SRD5A2: variants seen among roughly 807,000 people sequenced by gnomAD.
The protein encoded by SRD5A2 is 3-oxo-5-alpha-steroid 4-dehydrogenase 2.
SRD5A2 carries 30 observed loss-of-function variants against 27.4 expected under a neutral mutation model. The ratio of observed to expected loss-of-function variants is 1.10; its 90% CI spans 0.82 to 1.49. SRD5A2 has a LOEUF of 1.49. SRD5A2 is among the 40% of genes most tolerant of loss of function. The probability of loss-of-function intolerance (pLI) is 0.00; values close to 1 mark genes in which losing one functional copy is unlikely to be tolerated. For missense variants in SRD5A2, 348 were observed against 323.4 expected, an observed-to-expected ratio of 1.08 and a Z score of -0.58; for synonymous variants, 141 against 133.6, an observed-to-expected ratio of 1.06 and a Z score of -0.38.
Position 31,526,106 on chromosome 2 carries a change from G to GATATATATATATATATATAT in SRD5A2, c.*89_*90insATATATATATATATATATAT, listed in dbSNP as rs1553322989. On this transcript the variant is annotated 3_prime_UTR_variant, in exon 5 of 5. Transcript: ENST00000622030. Reference sequence around the variant, plus strand: ...GGAGACCTACTATTACATATATACGGGACTATTATATCATGAAAATTACAG... The same window carrying GATATATATATATATATATAT: ...GGAGACCTACTATTACATATATACGGATATATATATATATATATATGACTATTATATCATGAAAATTACAG... 1 of 806,670 alleles carries GATATATATATATATATATAT rather than the reference G, an allele frequency of 1.2e-6. No homozygotes were observed. The allele number at this position is 806,670 out of a possible 1,614,324, so 50.0% of individuals were successfully genotyped here.
chr2:31,582,535 C>T (rs553771097), upstream of SRD5A2, among the ~76,000 whole-genome samples: 11 of 152,314 alleles, frequency 7.2e-5, no homozygotes, highest in African/African-American at 2.6e-4. Context: ...GCCATCATAG[C>T]CGTTTCAAGC....
chr2:31,621,183 T>C, the SRD5A2 span, among the ~76,000 whole-genome samples: 2 of 151,902 alleles, frequency 1.3e-5, no homozygotes, highest in African/African-American at 2.4e-5. Context: ...TTGACATTGA[T>C]ACAATCAAGA....
At chr2:31,557,971 T>C (rs1260664969) in intron 1 of SRD5A2, among the ~76,000 whole-genome samples, 2 of 152,214 alleles carry the variant, frequency 1.3e-5, no homozygotes, top group Admixed American at 1.3e-4. Context: ...AGATCGGCAC[T>C]ATGAAGCACT....
At chr2:31,571,829 C>T (rs762389459) in intron 1 of SRD5A2, among the ~76,000 whole-genome samples, 4 of 152,186 alleles carry the variant, frequency 2.6e-5, no homozygotes, top group Admixed American at 6.5e-5. Context: ...TATCATCTCA[C>T]ATCAATCAGA....
At chr2:31,560,841 C>G (rs924502015) in intron 1 of SRD5A2, among the ~76,000 whole-genome samples, 3 of 152,108 alleles carry the variant, frequency 2.0e-5, no homozygotes, top group Non-Finnish European at 2.9e-5. Context: ...ACAAGAATGG[C>G]CTGCAGGAAG....
the SRD5A2 span, among the ~76,000 whole-genome samples, chr2:31,624,957 C>G: frequency 8.5e-5 from 13 of 152,176 alleles, no homozygotes; most frequent in African/African-American, 3.1e-4. Flanking sequence ...AATGGTTGAA[C>G]TAGTTTACGC....
At chr2:31,621,206 T>C in the SRD5A2 span, among the ~76,000 whole-genome samples, 1 of 151,918 alleles carries the variant, frequency 6.6e-6, no homozygotes, top group African/African-American at 2.4e-5. Flanking sequence ...CAGAATAATG[T>C]CATCACCACA....
In SRD5A2 at chr2:31,529,296, G is replaced by GA. The variant is rs753447180; in HGVS notation, c.698+10dup. 6.2e-7 allele frequency: 1 copy of GA among 1,613,250 alleles called. No homozygotes were observed. Among genetic ancestry groups the GA allele is most frequent in the South Asian group, 1.1e-5 (1 of 90,990 alleles). ...CTACGTGAATGCTGCCGCTTTTATT[G>GA]AAAAATTTACCTATGGTGGTGAAAA... On this transcript the variant is annotated intron_variant, in intron 4 of 4. Coordinates refer to ENST00000622030, the MANE Select transcript of SRD5A2 (RefSeq NM_000348.4).
At chr2:31,528,419 C>G (rs1324861262) in intron 4 of SRD5A2, among the ~76,000 whole-genome samples, 2 of 152,206 alleles carry the variant, frequency 1.3e-5, no homozygotes, top group African/African-American at 2.4e-5. Context: ...ATAGCAGCCA[C>G]ATAGTCACCA....
At chr2:31,613,582 T>A in the SRD5A2 span, among the ~76,000 whole-genome samples, 3 of 152,288 alleles carry the variant, frequency 2.0e-5, no homozygotes, top group Non-Finnish European at 4.4e-5. Context: ...TAAATTATTA[T>A]AGGCATTTTG....
At chr2:31,633,696 G>A in the SRD5A2 span, among the ~76,000 whole-genome samples, 3 of 152,042 alleles carry the variant, frequency 2.0e-5, no homozygotes, top group African/African-American at 7.2e-5. Flanking sequence ...TAGAGCAGTC[G>A]TCAGCCAACC....
At chr2:31,536,137 T>C (rs777052446) in intron 1 of SRD5A2, among the ~76,000 whole-genome samples, 1 of 152,194 alleles carries the variant, frequency 6.6e-6, no homozygotes, top group Non-Finnish European at 1.5e-5. Context: ...CAGGAAAGCT[T>C]TGGGAGCCTG....
At chr2:31,557,420 G>C (rs1666521682) in intron 1 of SRD5A2, among the ~76,000 whole-genome samples, 1 of 152,216 alleles carries the variant, frequency 6.6e-6, no homozygotes, top group African/African-American at 2.4e-5. Flanking sequence ...TGTCTACACA[G>C]AGAAATTGGA....
At chr2:31,632,145 G>A in the SRD5A2 span, among the ~76,000 whole-genome samples, 1 of 151,958 alleles carries the variant, frequency 6.6e-6, no homozygotes, top group Non-Finnish European at 1.5e-5. Flanking sequence ...CTTAGGTCCA[G>A]AGCAAAACTT....
At chr2:31,616,155 T>G in the SRD5A2 span, among the ~76,000 whole-genome samples, 1 of 151,860 alleles carries the variant, frequency 6.6e-6, no homozygotes, top group Non-Finnish European at 1.5e-5. Context: ...TCTCAGAGGA[T>G]GTAGGGAAAT....
Position 31,533,608 on chromosome 2 carries a change from C to A in SRD5A2, c.440G>T (p.Ser147Ile), listed in dbSNP as rs1210348750. 6.4e-7 allele frequency: 1 copy of A among 1,551,696 alleles called. No homozygotes were observed. Residue 147 changes from serine (S) to isoleucine (I), a missense_variant, in exon 2 of 5, where the codon AGC (serine) becomes ATC (isoleucine). Transcript: ENST00000622030. The part of the protein sequence containing the change: ...PDGWYTDIRF[S>I]LGVFLFILGM... The stretch of plus-strand genomic sequence containing the variant: ...AAGTGGGCAGATTCACTTACCCAAG[C>A]TAAACCGTATGTCTGTGTACCACCC...
the SRD5A2 span, among the ~76,000 whole-genome samples, chr2:31,595,863 A>G: frequency 6.6e-6 from 1 of 152,230 alleles, no homozygotes; most frequent in Non-Finnish European, 1.5e-5. Flanking sequence ...ACCATAATCA[A>G]GTGGGTTTCA....
chr2:31,582,818 A>T (rs1226578975), upstream of SRD5A2, among the ~76,000 whole-genome samples: 1 of 152,154 alleles, frequency 6.6e-6, no homozygotes, highest in Non-Finnish European at 1.5e-5. Flanking sequence ...CTCAATTGCC[A>T]TAGCCTCCCT....
chr2:31,617,837 C>T, the SRD5A2 span, among the ~76,000 whole-genome samples: 3 of 152,218 alleles, frequency 2.0e-5, no homozygotes, highest in Non-Finnish European at 2.9e-5. Flanking sequence ...CTAGGAAGTT[C>T]CAAACTTTCC....
Sources: allele counts gnomAD v4.1 joint callset (sites outside exome capture counted in the v4.1 genomes callset), GRCh38; gene constraint gnomAD v4.1.1; transcripts MANE v1.5; gene names NCBI Gene and HGNC (gene_info 2026-07-23, HGNC 2026-07-21).